KIAA1328: variants seen among roughly 807,000 people sequenced by gnomAD.
The protein encoded by KIAA1328 is protein hinderin.
KIAA1328 carries 52 observed loss-of-function variants against 68.1 expected under a neutral mutation model. The observed-to-expected ratio is 0.76, with a 90% confidence interval of 0.61 to 0.96. The LOEUF (loss-of-function observed/expected upper bound fraction) is 0.96. KIAA1328 is among the 40% of genes least tolerant of loss of function. KIAA1328 has a pLI of 0.00. For missense variants in KIAA1328, 641 were observed against 677.6 expected (o/e 0.95, Z 0.60); for synonymous variants, 232 against 239.4 (o/e 0.97, Z 0.28).
chr18:36,970,322 A>G (rs189480384), intron 6 of KIAA1328, among the ~76,000 whole-genome samples: 188 of 152,334 alleles, frequency 1.2e-3, no homozygotes, highest in African/African-American at 4.0e-3. Context: ...AATAAGAGCT[A>G]TTTATGACAA....
intron 5 of KIAA1328, chr18:36,955,924 T>C (rs1233574546): frequency 6.6e-6 from 1 of 152,338 alleles, no homozygotes; most frequent in Non-Finnish European, 1.5e-5. Flanking sequence ...TGAACTCTGA[T>C]AGGCCAGGGG....
chr18:36,890,312 T>C (rs2048640790), intron 5 of KIAA1328, among the ~76,000 whole-genome samples: 1 of 151,726 alleles, frequency 6.6e-6, no homozygotes, highest in Non-Finnish European at 1.5e-5. Flanking sequence ...TCAATGATAT[T>C]ATCTATGTAA....
chr18:36,877,815 C>T (rs1424441988), intron 4 of KIAA1328, among the ~76,000 whole-genome samples: 8 of 151,716 alleles, frequency 5.3e-5, no homozygotes, highest in Non-Finnish European at 8.8e-5. Flanking sequence ...TACAGGCGCC[C>T]GCCACAATGG....
chr18:37,070,207 G>A (rs933248105), intron 7 of KIAA1328, among the ~76,000 whole-genome samples: 3 of 152,068 alleles, frequency 2.0e-5, no homozygotes, highest in Non-Finnish European at 4.4e-5. Flanking sequence ...CATTCTTTCA[G>A]ACTTATTGAA....
intron 8 of KIAA1328, among the ~76,000 whole-genome samples, chr18:37,164,932 A>G (rs2059356101): frequency 6.6e-6 from 1 of 152,166 alleles, no homozygotes; most frequent in African/African-American, 2.4e-5. Context: ...CCCAATTAAG[A>G]TATAGTACAT....
chr18:37,029,576 G>A (rs933185514), intron 6 of KIAA1328, among the ~76,000 whole-genome samples: 4 of 152,106 alleles, frequency 2.6e-5, no homozygotes, highest in Non-Finnish European at 5.9e-5. Flanking sequence ...GTGTTGCCAG[G>A]TACGTGTCAA....
chr18:36,861,661 G>T (rs1391994554), intron 4 of KIAA1328, among the ~76,000 whole-genome samples: 2 of 151,818 alleles, frequency 1.3e-5, no homozygotes, highest in African/African-American at 4.8e-5. Context: ...CAGACTCATG[G>T]ATATTTATTT....
intron 6 of KIAA1328, among the ~76,000 whole-genome samples, chr18:37,044,755 C>T (rs565256810): frequency 1.1e-4 from 17 of 149,476 alleles, no homozygotes; most frequent in Middle Eastern, 3.4e-3. Context: ...GCCGAGATCG[C>T]GCCACTGCAC....
chr18:36,942,459 G>A (rs1403287236), intron 5 of KIAA1328, among the ~76,000 whole-genome samples: 1 of 152,160 alleles, frequency 6.6e-6, no homozygotes, highest in Admixed American at 6.5e-5. Context: ...AGGCAGTAGG[G>A]GGAGTAGTAG....
intron 3 of KIAA1328, among the ~76,000 whole-genome samples, chr18:36,837,745 T>G (rs1409882521): frequency 6.6e-6 from 1 of 152,178 alleles, no homozygotes; most frequent in Non-Finnish European, 1.5e-5. Flanking sequence ...CATTCCATTT[T>G]GAGTTAATTT....
chr18:37,149,726 C>G (rs1403932855), intron 7 of KIAA1328, among the ~76,000 whole-genome samples: 2 of 152,144 alleles, frequency 1.3e-5, no homozygotes, highest in Admixed American at 1.3e-4. Flanking sequence ...ATGATAGAGT[C>G]TGTGACTGTA....
chr18:36,952,129 T>C (rs868558278), intron 5 of KIAA1328, among the ~76,000 whole-genome samples: 19 of 152,332 alleles, frequency 1.2e-4, no homozygotes, highest in Middle Eastern at 6.8e-3. Context: ...TTAATGTACA[T>C]ATTGATCATT....
At chr18:37,165,140 C>T (rs1452604704) in intron 8 of KIAA1328, among the ~76,000 whole-genome samples, 4 of 152,088 alleles carry the variant, frequency 2.6e-5, no homozygotes, top group African/African-American at 9.7e-5. Flanking sequence ...AACTTAACTA[C>T]CTCTTTAAAG....
At chr18:36,996,324 TTA>T (rs1378878850) in intron 6 of KIAA1328, among the ~76,000 whole-genome samples, 3 of 152,204 alleles carry the variant, frequency 2.0e-5, no homozygotes, top group African/African-American at 7.2e-5. Flanking sequence ...GGCACCATTA[TTA>T]TCTCTTTTAT....
chr18:37,133,654 C>T (rs1272238024), intron 7 of KIAA1328, among the ~76,000 whole-genome samples: 1 of 150,818 alleles, frequency 6.6e-6, no homozygotes, highest in Non-Finnish European at 1.5e-5. Flanking sequence ...GCCTCCTGAG[C>T]AGCTGGAACT....
intron 7 of KIAA1328, among the ~76,000 whole-genome samples, chr18:37,135,341 T>C (rs1358135725): frequency 6.6e-6 from 1 of 152,208 alleles, no homozygotes; most frequent in Non-Finnish European, 1.5e-5. Context: ...TTCCTTTTTC[T>C]CTACAGTCTC....
In KIAA1328 at chr18:37,221,223, T is replaced by C. The variant is rs143976161; in HGVS notation, c.1524-794T>C. On this transcript the variant is annotated intron_variant, in intron 9 of 9. Coordinates refer to ENST00000280020, the MANE Select transcript of KIAA1328 (RefSeq NM_020776.3). ...GTCTTTCTTTGGAGGGATGTCTTTA[T>C]AGATTTAGAATCTTTTCCCAAACTT... Among the ~76,000 whole-genome samples, 3 of 152,338 alleles carry C rather than the reference T, an allele frequency of 2.0e-5. No individual in the cohort carries two copies. In the East Asian group the frequency reaches 5.8e-4, roughly 29 times the overall value.
intron 6 of KIAA1328, among the ~76,000 whole-genome samples, chr18:37,001,577 G>A (rs2053586722): frequency 6.6e-6 from 1 of 152,170 alleles, no homozygotes; most frequent in East Asian, 1.9e-4. Flanking sequence ...GAAAATTACA[G>A]GCTAGTATCC....
intron 7 of KIAA1328, among the ~76,000 whole-genome samples, chr18:37,143,516 TC>T (rs375934142): frequency 4.1e-4 from 56 of 137,490 alleles, no homozygotes; most frequent in Non-Finnish European, 6.0e-4. Flanking sequence ...TGCCTTTTTT[TC>T]TTTCTTTTTT....
Sources: allele counts gnomAD v4.1 joint callset (sites outside exome capture counted in the v4.1 genomes callset), GRCh38; gene constraint gnomAD v4.1.1; transcripts MANE v1.5; gene names NCBI Gene and HGNC (gene_info 2026-07-23, HGNC 2026-07-21).